The following SNX29 variants were observed in gnomAD, a reference collection of about 807,000 sequenced individuals.
SNX29 encodes the protein sorting nexin-29.
In SNX29, 78 loss-of-function variants were observed where a neutral mutation model predicts 102.1. That is an observed-to-expected ratio of 0.76 (90% CI 0.64 to 0.92). SNX29 has a LOEUF of 0.92. SNX29 is among the 40% of genes least tolerant of loss of function. The pLI, the probability that SNX29 is intolerant of heterozygous loss-of-function variation, is 0.00. For synonymous variants in SNX29, 580 were observed against 414.5 expected (o/e 1.40, Z -4.85); for missense variants, 1,280 against 1,061.7 (o/e 1.21, Z -2.86).
At chr16:12,374,464 G>A (rs945163027) in intron 16 of SNX29, 1 of 152,268 alleles carries the variant, frequency 6.6e-6, no homozygotes, top group Non-Finnish European at 1.5e-5. Flanking sequence ...TGTCTGTGTG[G>A]AGTACGAGGC....
intron 18 of SNX29, among the ~76,000 whole-genome samples, chr16:12,433,524 A>G (rs1411207183): frequency 1.3e-5 from 2 of 151,682 alleles, no homozygotes; most frequent in East Asian, 3.9e-4. Context: ...CCAGCTACTA[A>G]AGAGGCTGAG....
intron 4 of SNX29, among the ~76,000 whole-genome samples, chr16:12,041,409 G>A (rs969212822): frequency 6.6e-5 from 10 of 152,188 alleles, no homozygotes; most frequent in African/African-American, 1.7e-4. Context: ...ACCGTGCCTG[G>A]CCTGATGTGT....
At chr16:12,547,197 T>C (rs755962013) in intron 20 of SNX29, among the ~76,000 whole-genome samples, 2 of 152,282 alleles carry the variant, frequency 1.3e-5, no homozygotes, top group East Asian at 1.9e-4. Flanking sequence ...CAGGGATAGT[T>C]TGACCCGAAG....
chr16:12,556,727 T>A (rs948313925), intron 20 of SNX29, among the ~76,000 whole-genome samples: 1 of 152,140 alleles, frequency 6.6e-6, no homozygotes, highest in Non-Finnish European at 1.5e-5. Context: ...GGATTTTGTT[T>A]GGAATGTGAA....
intron 13 of SNX29, among the ~76,000 whole-genome samples, chr16:12,175,920 T>C (rs989518395): frequency 6.6e-6 from 1 of 152,092 alleles, no homozygotes; most frequent in Non-Finnish European, 1.5e-5. Flanking sequence ...GCAGGGAGAT[T>C]GCTTGAGCCC....
intron 1 of SNX29, among the ~76,000 whole-genome samples, chr16:11,978,797 C>T (rs557463686): frequency 2.1e-4 from 32 of 152,132 alleles, no homozygotes; most frequent in African/African-American, 7.2e-4. Flanking sequence ...TGGTGGCACG[C>T]GCCTGTAATC....
intron 16 of SNX29, chr16:12,375,004 C>T (rs1015380107): frequency 6.6e-6 from 1 of 152,070 alleles, no homozygotes; most frequent in Non-Finnish European, 1.5e-5. Context: ...GTCACTTGAG[C>T]CCAGGAGCTC....
At position 12,573,037 on chromosome 16, in the gene SNX29, C is replaced by A. The variant is rs1265544040; in HGVS notation, c.*4408C>A. ...TGCTGTTTTTAGATTGGCGTCCGTG[C>A]TAATTCTGCAGTTGTAGCACTGTAT... On this transcript the variant is annotated 3_prime_UTR_variant, in exon 21 of 21. Transcript: ENST00000566228. 2.4e-5 allele frequency: 6 copies of A among 248,004 alleles called. No homozygotes were observed. Among genetic ancestry groups the A allele is most frequent in the East Asian group, 1.8e-4 (3 of 16,230 alleles). 15.4% of individuals were successfully genotyped at this position (248,004 alleles called of 1,614,324 possible). A position where few individuals can be genotyped will look rare whatever the true frequency, so the allele number is the denominator to read the frequency against.
chr16:12,439,590 C>T (rs532695258), intron 18 of SNX29, among the ~76,000 whole-genome samples: 3 of 152,176 alleles, frequency 2.0e-5, no homozygotes, highest in Non-Finnish European at 4.4e-5. Context: ...TCTCGTGAGA[C>T]TCATTCACTA....
chr16:12,058,635 A>T (rs1331862357), intron 8 of SNX29, among the ~76,000 whole-genome samples: 1 of 150,966 alleles, frequency 6.6e-6, no homozygotes. Context: ...CTGGGATTAC[A>T]AGCACCCACC....
intron 18 of SNX29, among the ~76,000 whole-genome samples, chr16:12,412,798 T>C (rs57142587): frequency 0.074 from 11,220 of 152,298 alleles, 593 homozygotes; most frequent in East Asian, 0.19. Flanking sequence ...AGGTGAACTG[T>C]CTGAATTTTT....
At chr16:12,526,995 A>G in intron 20 of SNX29, 1 of 401,818 alleles carries the variant, frequency 2.5e-6, no homozygotes, top group Non-Finnish European at 4.7e-6. Context: ...GGACTTTTCA[A>G]AACGAGAATT....
chr16:12,549,440 A>T (rs1276506456), intron 20 of SNX29, among the ~76,000 whole-genome samples: 1 of 152,198 alleles, frequency 6.6e-6, no homozygotes, highest in East Asian at 1.9e-4. Context: ...GGTTGCAGTG[A>T]CCTAAGATTG....
chr16:12,187,921 A>T (rs1289330463), intron 13 of SNX29, among the ~76,000 whole-genome samples: 1 of 152,162 alleles, frequency 6.6e-6, no homozygotes. Flanking sequence ...AAATCGGATA[A>T]TCATTTTCTG....
chr16:12,164,326 C>G (rs2055916878), intron 13 of SNX29, among the ~76,000 whole-genome samples: 1 of 152,118 alleles, frequency 6.6e-6, no homozygotes, highest in Admixed American at 6.5e-5. Flanking sequence ...ACCAAGATTT[C>G]TGGTTAATAG....
chr16:12,227,939 G>T lies in SNX29; in HGVS notation c.1678+28256G>T, dbSNP rs555885883. ...AAAAAAAAAAAAAGACCGAAGTGAG[G>T]TCTCTGGACCAGCAGTAGTGGACTC... is the stretch of plus-strand genomic sequence containing the variant. On this transcript the variant is annotated intron_variant, in intron 14 of 20. Coordinates refer to ENST00000566228, the MANE Select transcript of SNX29 (RefSeq NM_032167.5). 5.5e-5 allele frequency among the ~76,000 whole-genome samples: 8 copies of T among 145,464 alleles called. No individual in the cohort carries two copies. The South Asian group carries it at 1.8e-3, about 32-fold the overall frequency.
intron 18 of SNX29, among the ~76,000 whole-genome samples, chr16:12,461,923 T>C (rs1378982988): frequency 1.7e-5 from 2 of 117,786 alleles, no homozygotes; most frequent in African/African-American, 6.6e-5. Context: ...GCCACTGCAC[T>C]CCAACCTGGG....
At chr16:12,032,093 C>T (rs1436259292) in intron 4 of SNX29, among the ~76,000 whole-genome samples, 1 of 152,078 alleles carries the variant, frequency 6.6e-6, no homozygotes, top group Non-Finnish European at 1.5e-5. Context: ...TTCCTTGTAC[C>T]AATGGAATCA....
At chr16:12,545,798 C>T (rs555679330) in intron 20 of SNX29, among the ~76,000 whole-genome samples, 2 of 152,182 alleles carry the variant, frequency 1.3e-5, no homozygotes, top group African/African-American at 2.4e-5. Flanking sequence ...ACTAGGCATA[C>T]AGGGGCCTCC....
Sources: allele counts gnomAD v4.1 joint callset (sites outside exome capture counted in the v4.1 genomes callset), GRCh38; gene constraint gnomAD v4.1.1; transcripts MANE v1.5; gene names NCBI Gene and HGNC (gene_info 2026-07-23, HGNC 2026-07-21).